The following LINGO2 variants were observed in gnomAD, a reference collection of about 807,000 sequenced individuals.
The protein encoded by LINGO2 is leucine rich repeat and Ig domain containing 2.
In LINGO2, 14 loss-of-function variants were observed where a neutral mutation model predicts 30.6. The ratio of observed to expected loss-of-function variants is 0.46; its 90% CI spans 0.30 to 0.72. LINGO2 has a LOEUF of 0.72. Among genes scored for constraint, LINGO2 ranks in the 30% least tolerant of loss-of-function variants. LINGO2 has a pLI of 0.07. For synonymous variants in LINGO2, 317 were observed against 288.5 expected (o/e 1.10, Z -1.00); for missense variants, 729 against 751.7 (o/e 0.97, Z 0.35).
chr9:28,789,138 A>C, the LINGO2 span, among the ~76,000 whole-genome samples: 5 of 152,240 alleles, frequency 3.3e-5, no homozygotes, highest in East Asian at 5.8e-4. Flanking sequence ...AAATATCACC[A>C]ACTTGAACAT....
At chr9:28,346,240 C>T (rs531487385) in intron 3 of LINGO2, among the ~76,000 whole-genome samples, 2 of 152,236 alleles carry the variant, frequency 1.3e-5, no homozygotes, top group Admixed American at 6.5e-5. Flanking sequence ...GTCTGTTGTT[C>T]CTCTCCCAGT....
intron 2 of LINGO2, among the ~76,000 whole-genome samples, chr9:28,378,165 C>T (rs912310791): frequency 5.3e-5 from 8 of 152,170 alleles, no homozygotes; most frequent in African/African-American, 1.7e-4. Flanking sequence ...AGATAAAATT[C>T]CTCAGACAGA....
chr9:28,841,236 T>A, the LINGO2 span, among the ~76,000 whole-genome samples: 5 of 151,612 alleles, frequency 3.3e-5, no homozygotes, highest in African/African-American at 1.2e-4. Context: ...ACATGTGGGA[T>A]GGGAGAGGGA....
chr9:28,586,478 A>G (rs1177235722), intron 1 of LINGO2, among the ~76,000 whole-genome samples: 2 of 152,072 alleles, frequency 1.3e-5, no homozygotes, highest in Non-Finnish European at 2.9e-5. Flanking sequence ...TCCTTTTAAA[A>G]TAATCATATC....
At chr9:27,982,112 G>C (rs749290861) in intron 5 of LINGO2, among the ~76,000 whole-genome samples, 2 of 151,736 alleles carry the variant, frequency 1.3e-5, no homozygotes, top group Non-Finnish European at 2.9e-5. Context: ...GGGCTGCAGG[G>C]TTACTATGGC....
the LINGO2 span, among the ~76,000 whole-genome samples, chr9:28,869,256 CT>C: frequency 6.6e-6 from 1 of 152,028 alleles, no homozygotes; most frequent in Non-Finnish European, 1.5e-5. Flanking sequence ...ATCAGGTAAA[CT>C]GACAAATCTG....
intron 4 of LINGO2, among the ~76,000 whole-genome samples, chr9:28,055,587 A>C (rs190814707): frequency 6.6e-6 from 1 of 152,188 alleles, no homozygotes; most frequent in African/African-American, 2.4e-5. Flanking sequence ...GCTTCAGTCT[A>C]ATTTCTCAAA....
intron 4 of LINGO2, among the ~76,000 whole-genome samples, chr9:28,238,974 A>G (rs1821680253): frequency 1.3e-5 from 2 of 152,006 alleles, no homozygotes; most frequent in Admixed American, 1.3e-4. Context: ...AATGGATGCC[A>G]CAGAAATTCA....
chr9:28,307,797 G>A (rs1217785728), intron 3 of LINGO2, among the ~76,000 whole-genome samples: 1 of 152,110 alleles, frequency 6.6e-6, no homozygotes, highest in East Asian at 1.9e-4. Context: ...CAGACAAACA[G>A]AGAGCCAAAT....
the LINGO2 span, among the ~76,000 whole-genome samples, chr9:28,991,026 ATGAGT>A: frequency 2.0e-5 from 3 of 152,232 alleles, no homozygotes; most frequent in African/African-American, 7.2e-5. Flanking sequence ...AATGACTTTG[ATGAGT>A]TGAGAGAAGA....
At chr9:28,880,513 T>C in the LINGO2 span, among the ~76,000 whole-genome samples, 1 of 152,202 alleles carries the variant, frequency 6.6e-6, no homozygotes, top group African/African-American at 2.4e-5. Flanking sequence ...CACAATGCAC[T>C]GTGGAAAGCC....
At chr9:28,858,582 C>T in the LINGO2 span, among the ~76,000 whole-genome samples, 105,159 of 151,894 alleles carry the variant, frequency 0.69, 37,758 homozygotes, top group East Asian at 0.89. Flanking sequence ...GGGTTTCATC[C>T]GGCTTGCAAA....
chr9:28,893,278 T>G, the LINGO2 span, among the ~76,000 whole-genome samples: 1 of 151,976 alleles, frequency 6.6e-6, no homozygotes, highest in Non-Finnish European at 1.5e-5. Flanking sequence ...TTTTCACATT[T>G]CTCAATATAT....
At chr9:28,803,352 T>C in the LINGO2 span, among the ~76,000 whole-genome samples, 1 of 151,930 alleles carries the variant, frequency 6.6e-6, no homozygotes, top group Non-Finnish European at 1.5e-5. Context: ...ATCATGTATT[T>C]ACTGAACTGT....
At position 28,308,572 on chromosome 9, in the gene LINGO2, T is replaced by G. The variant is rs998051060; in HGVS notation, c.-245-13206A>C. On this transcript the variant is annotated intron_variant, in intron 3 of 5. Coordinates refer to ENST00000379992, the Ensembl canonical transcript of LINGO2. ...AAAGCAATGGCAACAAAAGCCAAAA[T>G]TGACAAACGGGATCTCATTAAACTA... 1.9e-3 allele frequency among the ~76,000 whole-genome samples: 273 copies of G among 145,302 alleles called. 3 individuals are homozygous for G. Among genetic ancestry groups the G allele is most frequent in the African/African-American group, 6.6e-3 (261 of 39,542 alleles).
intron 4 of LINGO2, among the ~76,000 whole-genome samples, chr9:28,077,187 G>A (rs1587816284): frequency 6.6e-6 from 1 of 152,048 alleles, no homozygotes; most frequent in East Asian, 1.9e-4. Context: ...AAAACTGACA[G>A]TCAATGGACC....
intron 5 of LINGO2, among the ~76,000 whole-genome samples, chr9:27,983,945 T>C (rs1399360051): frequency 1.3e-5 from 2 of 151,878 alleles, no homozygotes; most frequent in African/African-American, 4.8e-5. Flanking sequence ...GGCGTGGTCT[T>C]GCACAGTTCC....
At chr9:28,601,005 T>C (rs556210935) in intron 1 of LINGO2, among the ~76,000 whole-genome samples, 1 of 152,238 alleles carries the variant, frequency 6.6e-6, no homozygotes, top group Non-Finnish European at 1.5e-5. Flanking sequence ...AAATAAACCA[T>C]GTTTTTTTTC....
At chr9:28,446,200 C>T (rs1198226805) in intron 2 of LINGO2, among the ~76,000 whole-genome samples, 1 of 152,092 alleles carries the variant, frequency 6.6e-6, no homozygotes, top group Non-Finnish European at 1.5e-5. Flanking sequence ...AATTAAGGAA[C>T]CCCTTATTTC....
Sources: gnomAD v4.1 joint callset for allele counts (sites outside exome capture counted in the v4.1 genomes callset) on GRCh38, gnomAD v4.1.1 for gene constraint, MANE v1.5 for transcripts, NCBI Gene and HGNC (gene_info 2026-07-23, HGNC 2026-07-21) for gene names.